RIIAD1: variants seen among roughly 807,000 people sequenced by gnomAD.
RIIAD1 encodes the protein regulatory subunit of type II PKA R-subunit domain containing 1, also known as RIIa domain-containing protein 1.
A neutral mutation model predicts 13.3 loss-of-function variants in RIIAD1; 15 were observed. That is an observed-to-expected ratio of 1.13 (90% confidence interval 0.76 to 1.74). The LOEUF (loss-of-function observed/expected upper bound fraction) is 1.74. Ranked by LOEUF, RIIAD1 falls within the 40% of genes most tolerant of loss-of-function variation. The pLI, the probability that RIIAD1 is intolerant of heterozygous loss-of-function variation, is 0.00. For missense variants in RIIAD1, 121 were observed against 112.2 expected (o/e 1.08, Z -0.35); for synonymous variants, 50 against 43.3 (o/e 1.16, Z -0.61).
At chr1:151,717,966 C>T (rs1018383539), upstream of RIIAD1, among the ~76,000 whole-genome samples, 4 of 152,066 alleles carry the variant, frequency 2.6e-5, no homozygotes, top group African/African-American at 4.8e-5. Flanking sequence ...GTGGTGGTAG[C>T]CCTTGCTTTC....
chr1:151,722,769 A>G (rs993492023), intron 2 of RIIAD1, among the ~76,000 whole-genome samples: 2 of 152,144 alleles, frequency 1.3e-5, no homozygotes, highest in Non-Finnish European at 2.9e-5. Flanking sequence ...CACTTACCAC[A>G]CTGTATTGTA....
intron 2 of RIIAD1, among the ~76,000 whole-genome samples, chr1:151,723,411 G>T (rs1044447799): frequency 6.7e-6 from 1 of 149,792 alleles, no homozygotes; most frequent in African/African-American, 2.5e-5. Flanking sequence ...ACAAAAAAAA[G>T]TTGGCCAGGC....
In RIIAD1 at chr1:151,712,896, T is replaced by TGCGTGTGCATGCACACACAC. The variant is rs1265583120; in HGVS notation, c.-185-572_-185-553dup. Among the ~76,000 whole-genome samples, 13 of 152,072 alleles carry TGCGTGTGCATGCACACACAC rather than the reference T, an allele frequency of 8.5e-5. No homozygotes were observed. The East Asian group carries it at 2.1e-3, about 25-fold the overall frequency. On this transcript the variant is annotated intron_variant, in intron 2 of 8. Coordinates refer to the RIIAD1 transcript ENST00000326413. ...CAGGAGCTGACACACTGCACACACA[T>TGCGTGTGCATGCACACACAC]GCGTGTGCATGCACACACACTCATG...
chr1:151,722,279 C>T lies in RIIAD1; in HGVS notation c.161+117C>T, dbSNP rs1450085178. On this transcript the variant is annotated intron_variant, in intron 2 of 4. Coordinates refer to ENST00000479191, the MANE Select transcript of RIIAD1 (RefSeq NM_001144956.3). ...AAATATGTCTATTCATTTACTTTAA[C>T]CATAAGGATAAATACATACCTTATG... The T allele has an allele frequency of 7.0e-6, 5 of 709,482 alleles. No individual in the cohort carries two copies. The Admixed American group carries it at 9.9e-5, about 14-fold the overall frequency. 43.9% of individuals were successfully genotyped at this position (709,482 alleles called of 1,614,324 possible).
intron 1 of RIIAD1, among the ~76,000 whole-genome samples, chr1:151,711,598 G>A (rs1673025552): frequency 6.6e-6 from 1 of 152,240 alleles, no homozygotes; most frequent in Non-Finnish European, 1.5e-5. Flanking sequence ...TGTGTGTGCG[G>A]GTGCGCATGC....
At chr1:151,714,498 A>G in exon 4 of RIIAD1, 2 of 845,970 alleles carry the variant, frequency 2.4e-6, no homozygotes, top group Non-Finnish European at 2.0e-6. Context: ...TGATGAGAGG[A>G]GGTGGAAATT....
chr1:151,717,424 A>G (rs964354347), upstream of RIIAD1, among the ~76,000 whole-genome samples: 7 of 152,266 alleles, frequency 4.6e-5, no homozygotes, highest in Non-Finnish European at 8.8e-5. Flanking sequence ...GCTTTCTGGC[A>G]TTTGCCGATG....
upstream of RIIAD1, chr1:151,716,738 C>T (rs891432365): frequency 3.3e-5 from 15 of 455,274 alleles, no homozygotes; most frequent in Non-Finnish European, 4.9e-5. Flanking sequence ...GCTGGGGCTG[C>T]CTGCTTTCCC....
chr1:151,715,522 G>GCACACACA, intron 4 of RIIAD1: 1 of 804,058 alleles, frequency 1.2e-6, no homozygotes, highest in South Asian at 1.5e-5. Context: ...TGCTGCACAC[G>GCACACACA]CACACACACA....
Position 151,721,536 on chromosome 1 carries a change from G to C in RIIAD1, c.-1G>C. On this transcript the variant is annotated 5_prime_UTR_variant, in exon 1 of 5. Coordinates refer to ENST00000479191, the MANE Select transcript of RIIAD1 (RefSeq NM_001144956.3). ...CCGGTCGCCTTGACGACCGCAGCAA[G>C]ATGGAGACGCTGCCAGGCTTGCTGC... 3.0e-6 allele frequency: 4 copies of C among 1,325,436 alleles called. No individual in the cohort carries two copies. The highest frequency in any genetic ancestry group is 3.9e-6 in the Non-Finnish European group (4 of 1,036,784). 82.1% of individuals were successfully genotyped at this position (1,325,436 alleles called of 1,614,324 possible). A position where few individuals can be genotyped will look rare whatever the true frequency, so the allele number is the denominator to read the frequency against.
chr1:151,720,483 C>T (rs1327402340), upstream of RIIAD1, among the ~76,000 whole-genome samples: 1 of 152,200 alleles, frequency 6.6e-6, no homozygotes, highest in Non-Finnish European at 1.5e-5. Context: ...GCTTGTAGCC[C>T]ACTACCTAAT....
intron 2 of RIIAD1, among the ~76,000 whole-genome samples, chr1:151,713,033 A>G (rs1414888103): frequency 6.6e-6 from 1 of 152,178 alleles, no homozygotes; most frequent in Non-Finnish European, 1.5e-5. Context: ...TCTGCTCCCC[A>G]CAACTGCCCT....
intron 4 of RIIAD1, among the ~76,000 whole-genome samples, chr1:151,715,167 T>A (rs961905730): frequency 2.6e-5 from 4 of 151,902 alleles, no homozygotes; most frequent in Non-Finnish European, 5.9e-5. Context: ...TAGCCGGAAG[T>A]GCCTCTTCCC....
chr1:151,713,178 A>G (rs1558109929), intron 2 of RIIAD1, among the ~76,000 whole-genome samples: 1 of 152,116 alleles, frequency 6.6e-6, no homozygotes, highest in Non-Finnish European at 1.5e-5. Flanking sequence ...ATTCAGCGTC[A>G]CCTAGAAGCT....
chr1:151,712,998 TAGGGAAG>T (rs1211729372), intron 2 of RIIAD1, among the ~76,000 whole-genome samples: 2 of 152,054 alleles, frequency 1.3e-5, no homozygotes, highest in African/African-American at 4.8e-5. Context: ...GGAGAAGACT[TAGGGAAG>T]ACAAAGGGTC....
chr1:151,713,415 C>T (rs1436620708), intron 2 of RIIAD1: 2 of 152,286 alleles, frequency 1.3e-5, no homozygotes, highest in African/African-American at 4.8e-5. Context: ...ATCCATGTCT[C>T]CACTCCAGTC....
rs978051905 is a variant in RIIAD1, at chr1:151,721,569, C to A, written c.33C>A (p.Pro11=). The A allele has an allele frequency of 1.5e-6, 2 of 1,325,584 alleles. No homozygotes were observed. Among genetic ancestry groups the A allele is most frequent in the Non-Finnish European group, 1.9e-6 (2 of 1,035,392 alleles). The allele number at this position is 1,325,584 out of a possible 1,614,324, so 82.1% of individuals were successfully genotyped here. The change falls in exon 1 of 5, where the codon CCC becomes CCA. Residue 11 remains proline, a synonymous_variant. Coordinates refer to ENST00000479191, the MANE Select transcript of RIIAD1 (RefSeq NM_001144956.3). ...CGCTGCCAGGCTTGCTGCAGCGGCCCGACCCCGGGGCGCTTAGCGCAGCGC... is the reference window on the plus strand; with the variant it reads ...CGCTGCCAGGCTTGCTGCAGCGGCCAGACCCCGGGGCGCTTAGCGCAGCGC... METLPGLLQR[P]DPGALSAAQL...
At chr1:151,727,169 C>T (rs932606064) in intron 2 of RIIAD1, among the ~76,000 whole-genome samples, 3 of 152,098 alleles carry the variant, frequency 2.0e-5, no homozygotes, top group Admixed American at 6.6e-5. Context: ...CCCAGCTAGT[C>T]GAGAGGCTGG....
chr1:151,728,830 G>A lies in RIIAD1; in HGVS notation c.273G>A (p.Ala91=), dbSNP rs1195784857. The A allele has an allele frequency of 1.8e-5, 28 of 1,531,002 alleles. No homozygotes were observed. Among genetic ancestry groups the A allele is most frequent in the Admixed American group, 1.2e-4 (6 of 50,954 alleles). 94.8% of individuals were successfully genotyped at this position (1,531,002 alleles called of 1,614,324 possible). The change falls in exon 4 of 5, where the codon GCG becomes GCA. Residue 91 remains alanine (A), a synonymous_variant. Transcript: ENST00000479191. ...IHMQLIKDKK[A]A is the part of the protein sequence containing the mutation. Reference sequence around the variant, plus strand: ...TGCAGCTAATTAAAGACAAGAAAGCGGCTTAATTAGCAAAATCATGATGCT... The same window carrying A: ...TGCAGCTAATTAAAGACAAGAAAGCAGCTTAATTAGCAAAATCATGATGCT...
Sources: gnomAD v4.1 joint callset for allele counts (sites outside exome capture counted in the v4.1 genomes callset) on GRCh38, gnomAD v4.1.1 for gene constraint, MANE v1.5 for transcripts, NCBI Gene and HGNC (gene_info 2026-07-23, HGNC 2026-07-21) for gene names.